The following PIP5K1B variants were observed in gnomAD, a reference collection of about 807,000 sequenced individuals.
The protein encoded by PIP5K1B is phosphatidylinositol-4-phosphate 5-kinase type 1 beta, also known as phosphatidylinositol 4-phosphate 5-kinase type-1 beta.
A neutral mutation model predicts 67.0 loss-of-function variants in PIP5K1B; 42 were observed. The observed-to-expected ratio is 0.63, with a 90% CI of 0.49 to 0.81. PIP5K1B has a LOEUF of 0.81. PIP5K1B is among the 30% of genes least tolerant of loss of function. The probability of loss-of-function intolerance (pLI) is 0.00; values close to 1 mark genes in which losing one functional copy is unlikely to be tolerated. For missense variants in PIP5K1B, 459 were observed against 646.3 expected, an observed-to-expected ratio of 0.71 and a Z score of 3.14; for synonymous variants, 214 against 231.4, an observed-to-expected ratio of 0.92 and a Z score of 0.68.
intron 2 of PIP5K1B, among the ~76,000 whole-genome samples, chr9:68,753,879 T>G (rs1749068402): frequency 6.6e-6 from 1 of 151,630 alleles, no homozygotes; most frequent in Non-Finnish European, 1.5e-5. Context: ...AGGCCAGTCT[T>G]GAACTCCTGA....
intron 4 of PIP5K1B, among the ~76,000 whole-genome samples, chr9:68,832,700 G>A (rs760501163): frequency 3.9e-5 from 6 of 152,200 alleles, no homozygotes; most frequent in Non-Finnish European, 7.3e-5. Flanking sequence ...CAGACACCCA[G>A]AGACAGAAAT....
chr9:68,750,354 A>C (rs1358366124), intron 2 of PIP5K1B, among the ~76,000 whole-genome samples: 1 of 152,184 alleles, frequency 6.6e-6, no homozygotes, highest in African/African-American at 2.4e-5. Flanking sequence ...CTCTTTATAT[A>C]ATTCCCTGGA....
chr9:68,792,484 G>T (rs1832032375), intron 2 of PIP5K1B, among the ~76,000 whole-genome samples: 1 of 151,838 alleles, frequency 6.6e-6, no homozygotes, highest in Admixed American at 6.6e-5. Context: ...TTGTTTGTTT[G>T]TTTGTTTGTT....
intron 4 of PIP5K1B, among the ~76,000 whole-genome samples, chr9:68,857,224 AT>A (rs1042496338): frequency 2.0e-5 from 3 of 152,206 alleles, no homozygotes; most frequent in African/African-American, 4.8e-5. Flanking sequence ...ATAAGTTTGC[AT>A]TTTTTTAAGC....
intron 1 of PIP5K1B, chr9:68,707,798 C>T (rs566019389): frequency 6.6e-6 from 1 of 152,304 alleles, no homozygotes; most frequent in East Asian, 1.9e-4. Flanking sequence ...GTTAAGCATG[C>T]CCCCAGTGAC....
intron 2 of PIP5K1B, chr9:68,783,202 TAGA>T (rs1251772734): frequency 3.0e-5 from 5 of 167,094 alleles, no homozygotes; most frequent in African/African-American, 9.6e-5. Context: ...TAGCCTCAGA[TAGA>T]AGGACCTTTA....
intron 14 of PIP5K1B, among the ~76,000 whole-genome samples, chr9:68,946,087 TAGATATG>T (rs1264016927): frequency 6.6e-6 from 1 of 152,252 alleles, no homozygotes; most frequent in Non-Finnish European, 1.5e-5. Flanking sequence ...AGACTTTTAT[TAGATATG>T]TTCCTGCTGG....
intron 2 of PIP5K1B, among the ~76,000 whole-genome samples, chr9:68,748,476 G>A (rs78538804): frequency 3.3e-5 from 5 of 152,290 alleles, no homozygotes; most frequent in Non-Finnish European, 7.4e-5. Context: ...AAGATTACAG[G>A]TGATTGTATT....
intron 2 of PIP5K1B, among the ~76,000 whole-genome samples, chr9:68,791,404 C>CTG (rs1831963429): frequency 6.6e-6 from 1 of 152,086 alleles, no homozygotes; most frequent in African/African-American, 2.4e-5. Flanking sequence ...TCTTTTGGCA[C>CTG]TGTAAATGTT....
At chr9:68,818,728 G>C (rs1054241831) in intron 3 of PIP5K1B, among the ~76,000 whole-genome samples, 183 bp downstream of exon 3, 4 of 151,666 alleles carry the variant, frequency 2.6e-5, no homozygotes, top group Non-Finnish European at 5.9e-5. Flanking sequence ...TATGAATTTT[G>C]GCATGCCAGA....
chr9:68,917,948 T>C (rs891103931), intron 9 of PIP5K1B, among the ~76,000 whole-genome samples, 189 bp downstream of exon 9: 5 of 152,338 alleles, frequency 3.3e-5, no homozygotes, highest in Admixed American at 2.0e-4. Context: ...GTTTCTCCAG[T>C]TATTACTCCT....
At chr9:68,982,605 A>C (rs1380758779) in intron 14 of PIP5K1B, among the ~76,000 whole-genome samples, 1 of 151,998 alleles carries the variant, frequency 6.6e-6, no homozygotes, top group Non-Finnish European at 1.5e-5. Flanking sequence ...AAAAATACAA[A>C]AAAAAAAGTA....
At chr9:68,738,165 G>A (rs1587365969) in intron 1 of PIP5K1B, among the ~76,000 whole-genome samples, 2 of 152,262 alleles carry the variant, frequency 1.3e-5, no homozygotes, top group Admixed American at 6.5e-5. Flanking sequence ...TATGTATGTG[G>A]CTGATGATGT....
At chr9:68,879,865 ATATG>A (rs1018341875) in intron 6 of PIP5K1B, among the ~76,000 whole-genome samples, 2 of 152,188 alleles carry the variant, frequency 1.3e-5, no homozygotes, top group African/African-American at 4.8e-5. Flanking sequence ...AAAGTGATGA[ATATG>A]TGAGGTAAAT....
At chr9:68,979,962 G>A (rs1016691285) in intron 14 of PIP5K1B, among the ~76,000 whole-genome samples, 4 of 152,176 alleles carry the variant, frequency 2.6e-5, no homozygotes, top group African/African-American at 4.8e-5. Flanking sequence ...GGTGGCAGGC[G>A]GCTAAGCATT....
intron 14 of PIP5K1B, among the ~76,000 whole-genome samples, chr9:68,984,969 T>C (rs1384919984): frequency 6.6e-6 from 1 of 152,222 alleles, no homozygotes; most frequent in Non-Finnish European, 1.5e-5. Flanking sequence ...GGCAAGCCGC[T>C]GCACCTCCCT....
chr9:68,721,733 G>C lies in PIP5K1B; in HGVS notation c.-243+15971G>C, dbSNP rs192612808. 1.0e-3 allele frequency among the ~76,000 whole-genome samples: 154 copies of C among 152,246 alleles called. 1 individual carries two copies. Among genetic ancestry groups the C allele is most frequent in the African/African-American group, 3.7e-3 (152 of 41,530 alleles). On this transcript the variant is annotated intron_variant, in intron 1 of 15. Coordinates refer to ENST00000265382, the MANE Select transcript of PIP5K1B (RefSeq NM_003558.4). ...AAGGTGGAGAGTCTAAAGAGAAGCTGTGTGTAAGTGTGGAAGAGGCCATGA... is the reference window on the plus strand; with the variant it reads ...AAGGTGGAGAGTCTAAAGAGAAGCTCTGTGTAAGTGTGGAAGAGGCCATGA...
intron 5 of PIP5K1B, 86 bp downstream of exon 5, chr9:68,864,053 A>G: frequency 7.8e-7 from 1 of 1,281,570 alleles, no homozygotes; most frequent in Non-Finnish European, 1.1e-6. Flanking sequence ...TCTACTATGT[A>G]CATGTTTATA....
intron 4 of PIP5K1B, among the ~76,000 whole-genome samples, chr9:68,826,826 A>T (rs1209254892): frequency 1.3e-5 from 2 of 152,154 alleles, no homozygotes; most frequent in Non-Finnish European, 2.9e-5. Context: ...ATCTTGGCTC[A>T]CTGCAACCTC....
Sources: allele counts gnomAD v4.1 joint callset (sites outside exome capture counted in the v4.1 genomes callset), GRCh38; gene constraint gnomAD v4.1.1; transcripts MANE v1.5; gene names NCBI Gene and HGNC (gene_info 2026-07-23, HGNC 2026-07-21).